MAN1A1: variants seen among roughly 807,000 people sequenced by gnomAD.
MAN1A1 encodes mannosyl-oligosaccharide 1,2-alpha-mannosidase IA.
In MAN1A1, 29 loss-of-function variants were observed where a neutral mutation model predicts 70.8. The ratio of observed to expected loss-of-function variants is 0.41; its 90% CI spans 0.31 to 0.56. MAN1A1 has a LOEUF of 0.56. MAN1A1 is among the 20% of genes least tolerant of loss of function. The pLI is 0.29. For missense variants in MAN1A1, 747 were observed against 841.3 expected, an observed-to-expected ratio of 0.89 and a Z score of 1.39; for synonymous variants, 349 against 330.1, an observed-to-expected ratio of 1.06 and a Z score of -0.62.
rs77725914 is a variant in MAN1A1, at chr6:119,284,042, A to C, written c.897+6641T>G. On this transcript the variant is annotated intron_variant, in intron 5 of 12. Transcript: ENST00000368468. ...AACCAGAACATCAACTTTTTTTCTTACAGGTCTCATCAAGTTTTCCAGTTT... is the reference window on the plus strand; with the variant it reads ...AACCAGAACATCAACTTTTTTTCTTCCAGGTCTCATCAAGTTTTCCAGTTT... Among the ~76,000 whole-genome samples the C allele has an allele frequency of 5.9e-3, 891 of 152,226 alleles. 29 individuals carry two copies. The East Asian group carries it at 0.089, about 15-fold the overall frequency.
chr6:119,200,954 C>A (rs1474264866), intron 8 of MAN1A1, among the ~76,000 whole-genome samples: 3 of 152,182 alleles, frequency 2.0e-5, no homozygotes, highest in Non-Finnish European at 4.4e-5. Flanking sequence ...TCCTTTCTAT[C>A]CACATGACCA....
At chr6:119,191,189 CTTA>C (rs1773433491) in intron 9 of MAN1A1, among the ~76,000 whole-genome samples, 1 of 152,092 alleles carries the variant, frequency 6.6e-6, no homozygotes, top group African/African-American at 2.4e-5. Context: ...ATATTTCATT[CTTA>C]TTTTATGCGA....
rs1773061147 is a variant in MAN1A1 at position 119,178,489 on chromosome 6, G to C, written c.*1330C>G. On this transcript the variant is annotated 3_prime_UTR_variant, in exon 13 of 13. Coordinates refer to ENST00000368468, the MANE Select transcript of MAN1A1 (RefSeq NM_005907.4). Reference sequence around the variant, plus strand: ...CTACATAAATATATATGTATATATAGTGGGCCAATGTAAGCAAACACAAGG... The same window carrying C: ...CTACATAAATATATATGTATATATACTGGGCCAATGTAAGCAAACACAAGG... 6.6e-6 allele frequency: 1 copy of C among 152,024 alleles called. No homozygotes were observed. The highest frequency in any genetic ancestry group is 6.6e-5 in the Admixed American group (1 of 15,258). The allele number at this position is 152,024 out of a possible 1,614,324, so 9.4% of individuals were successfully genotyped here.
At chr6:119,189,163 G>A (rs1354519989) in intron 10 of MAN1A1, among the ~76,000 whole-genome samples, 7 of 152,010 alleles carry the variant, frequency 4.6e-5, no homozygotes, top group Non-Finnish European at 8.8e-5. Flanking sequence ...CACCCACCAG[G>A]CAGATACAAG....
At chr6:119,310,658 A>G (rs1772677469) in intron 2 of MAN1A1, among the ~76,000 whole-genome samples, 1 of 152,206 alleles carries the variant, frequency 6.6e-6, no homozygotes, top group Non-Finnish European at 1.5e-5. Context: ...GAGGCCAGAG[A>G]GTGACACAGA....
intron 4 of MAN1A1, among the ~76,000 whole-genome samples, chr6:119,296,620 T>A (rs1645793331): frequency 6.6e-6 from 1 of 152,116 alleles, no homozygotes. Context: ...GAAGTCAACA[T>A]ATATCCTCCT....
At chr6:119,267,481 A>C (rs776820913) in intron 5 of MAN1A1, among the ~76,000 whole-genome samples, 2 of 152,194 alleles carry the variant, frequency 1.3e-5, no homozygotes, top group East Asian at 1.9e-4. Context: ...TGACTTTCTA[A>C]ATAACCTTTT....
chr6:119,329,620 T>C (rs529153007), intron 2 of MAN1A1, among the ~76,000 whole-genome samples: 100 of 152,278 alleles, frequency 6.6e-4, no homozygotes, highest in South Asian at 2.9e-3. Context: ...TGAATCCCGC[T>C]AAGGAAAAAT....
At chr6:119,246,213 T>C (rs1019172069) in intron 6 of MAN1A1, among the ~76,000 whole-genome samples, 1 of 152,170 alleles carries the variant, frequency 6.6e-6, no homozygotes, top group Non-Finnish European at 1.5e-5. Flanking sequence ...ACACCTCTAT[T>C]AGATTTAGTA....
chr6:119,332,780 C>T (rs1195683755), intron 2 of MAN1A1, among the ~76,000 whole-genome samples: 4 of 81,190 alleles, frequency 4.9e-5, no homozygotes, highest in Admixed American at 3.1e-4. Context: ...AGCAAAACTC[C>T]ATCTCAAGAA....
intron 5 of MAN1A1, among the ~76,000 whole-genome samples, chr6:119,259,336 A>C (rs1206506351): frequency 1.3e-5 from 2 of 152,174 alleles, no homozygotes; most frequent in Non-Finnish European, 2.9e-5. Flanking sequence ...CACATGCCTG[A>C]ATTTGAACAA....
At chr6:119,259,736 A>G (rs1266537600) in intron 5 of MAN1A1, among the ~76,000 whole-genome samples, 1 of 152,194 alleles carries the variant, frequency 6.6e-6, no homozygotes, top group Non-Finnish European at 1.5e-5. Flanking sequence ...GTGTCCCTCC[A>G]GGCAAGTTAA....
At chr6:119,317,020 T>C (rs896952327) in intron 2 of MAN1A1, among the ~76,000 whole-genome samples, 1 of 151,570 alleles carries the variant, frequency 6.6e-6, no homozygotes, top group East Asian at 1.9e-4. Context: ...AAGAGGAGAA[T>C]TGTAGGGCAC....
chr6:119,203,205 T>C (rs1298523262), intron 7 of MAN1A1, among the ~76,000 whole-genome samples: 6 of 152,276 alleles, frequency 3.9e-5, no homozygotes, highest in East Asian at 1.9e-4. Flanking sequence ...CCCGAGCTGA[T>C]TGAGAGTTAA....
In MAN1A1 at chr6:119,179,352, G is replaced by C. The variant is rs977658263; in HGVS notation, c.*467C>G. 1.3e-5 allele frequency: 2 copies of C among 153,328 alleles called. No homozygotes were observed. The highest frequency in any genetic ancestry group is 4.8e-5 in the African/African-American group (2 of 41,428). The allele number at this position is 153,328 out of a possible 1,614,324, so 9.5% of individuals were successfully genotyped here. ...ACAGAAGATCTGTCTCTGGTGGACA[G>C]ACAAACCAGATTAACATGAAATTGT... On this transcript the variant is annotated 3_prime_UTR_variant, in exon 13 of 13. Transcript: ENST00000368468.
chr6:119,239,099 C>T (rs576577915), intron 6 of MAN1A1, among the ~76,000 whole-genome samples: 64 of 152,096 alleles, frequency 4.2e-4, no homozygotes, highest in African/African-American at 1.5e-3. Context: ...ACCGTGGTCT[C>T]GATCTCCTGA....
At chr6:119,234,555 A>C (rs1774787251) in intron 6 of MAN1A1, among the ~76,000 whole-genome samples, 1 of 151,990 alleles carries the variant, frequency 6.6e-6, no homozygotes, top group Non-Finnish European at 1.5e-5. Context: ...CTGAGACTAC[A>C]GGCATGTGCC....
At chr6:119,319,785 G>A (rs1772957953) in intron 2 of MAN1A1, among the ~76,000 whole-genome samples, 1 of 152,038 alleles carries the variant, frequency 6.6e-6, no homozygotes, top group Non-Finnish European at 1.5e-5. Context: ...GTTCTTTCCT[G>A]GCCTCTTCAC....
At chr6:119,276,488 G>T (rs1776067841) in intron 5 of MAN1A1, among the ~76,000 whole-genome samples, 2 of 152,210 alleles carry the variant, frequency 1.3e-5, no homozygotes, top group African/African-American at 4.8e-5. Flanking sequence ...AGCCTGACCA[G>T]ATGATAGAGA....
Sources: gnomAD v4.1 joint callset for allele counts (sites outside exome capture counted in the v4.1 genomes callset) on GRCh38, gnomAD v4.1.1 for gene constraint, MANE v1.5 for transcripts, NCBI Gene and HGNC (gene_info 2026-07-23, HGNC 2026-07-21) for gene names.